The following CHRM3 variants were observed in gnomAD, a reference collection of about 807,000 sequenced individuals.
CHRM3 encodes muscarinic acetylcholine receptor M3.
Under a neutral mutation model 41.8 loss-of-function variants are expected in CHRM3, and 11 were observed. The observed-to-expected ratio is 0.26, with a 90% CI of 0.17 to 0.44. The LOEUF is 0.44. CHRM3 is among the 20% of genes least tolerant of loss of function. CHRM3 has a pLI of 1.00. For synonymous variants in CHRM3, 297 were observed against 301.4 expected, an observed-to-expected ratio of 0.99 and a Z score of 0.15; for missense variants, 571 against 745.4, an observed-to-expected ratio of 0.77 and a Z score of 2.72.
intron 3 of CHRM3, among the ~76,000 whole-genome samples, chr1:239,578,585 C>T (rs1662583949): frequency 6.6e-6 from 1 of 152,172 alleles, no homozygotes; most frequent in South Asian, 2.1e-4. Context: ...TGTATAACCT[C>T]TTATGTGACT....
intron 5 of CHRM3, among the ~76,000 whole-genome samples, chr1:239,721,508 A>G (rs1662967270): frequency 6.6e-6 from 1 of 151,968 alleles, no homozygotes; most frequent in African/African-American, 2.4e-5. Flanking sequence ...GCATGATACA[A>G]ATGCATTTCA....
intron 1 of CHRM3, among the ~76,000 whole-genome samples, chr1:239,396,613 C>G (rs190279129): frequency 6.6e-6 from 1 of 151,980 alleles, no homozygotes; most frequent in East Asian, 1.9e-4. Flanking sequence ...GATCCAGTCT[C>G]GAAAAGAGTA....
chr1:239,516,734 C>T (rs541147333), intron 2 of CHRM3, among the ~76,000 whole-genome samples: 15 of 152,284 alleles, frequency 9.9e-5, no homozygotes, highest in Non-Finnish European at 1.9e-4. Flanking sequence ...GGCCGCACAG[C>T]GGGAGGTGAG....
At chr1:239,830,859 C>G (rs573112244) in intron 6 of CHRM3, among the ~76,000 whole-genome samples, 33 of 152,268 alleles carry the variant, frequency 2.2e-4, no homozygotes, top group Middle Eastern at 6.8e-3. Flanking sequence ...TCTCACCCCC[C>G]TGAAACAACC....
At chr1:239,398,594 T>C (rs559481677) in intron 1 of CHRM3, among the ~76,000 whole-genome samples, 27 of 152,316 alleles carry the variant, frequency 1.8e-4, no homozygotes, top group African/African-American at 6.0e-4. Context: ...TGTCCATTGG[T>C]ATAGTTAATA....
In CHRM3 at chr1:239,391,382, C is replaced by T. The variant is rs185756806; in HGVS notation, c.-521+4155C>T. 1.3e-4 allele frequency among the ~76,000 whole-genome samples: 20 copies of T among 152,340 alleles called. No homozygotes were observed. In the East Asian group the frequency reaches 3.9e-3, roughly 29 times the overall value. On this transcript the variant is annotated intron_variant, in intron 1 of 6. Transcript: ENST00000676153. ...ATTGGAACCCAGAGCCCCCTCAGTACACCATGATGGACAGCACTGAGCGCC... is the reference window on the plus strand; with the variant it reads ...ATTGGAACCCAGAGCCCCCTCAGTATACCATGATGGACAGCACTGAGCGCC...
rs66496252 is a variant in CHRM3, at chr1:239,760,090, ATTT to A, written c.-146-67149_-146-67147del. Among the ~76,000 whole-genome samples, 776 of 143,034 alleles carry A rather than the reference ATTT, an allele frequency of 5.4e-3. 5 individuals are homozygous for A. The highest frequency in any genetic ancestry group is 0.032 in the Middle Eastern group (9 of 280). The allele number at this position is 143,034 out of a possible 152,430, so 93.8% of individuals were successfully genotyped here. On this transcript the variant is annotated intron_variant, in intron 5 of 6. Transcript: ENST00000676153. ...CCACCACACCCGGCTAATTTTTTGT[ATTT>A]TTTTTTTTTTTTCAGTAGAAACGGG... is the stretch of plus-strand genomic sequence containing the variant.
At chr1:239,527,104 G>A (rs938704143) in intron 2 of CHRM3, among the ~76,000 whole-genome samples, 1 of 152,102 alleles carries the variant, frequency 6.6e-6, no homozygotes, top group Admixed American at 6.6e-5. Flanking sequence ...CAGCCTGTGC[G>A]ACAGCCCTGT....
chr1:239,565,150 A>T (rs780210450), intron 3 of CHRM3, among the ~76,000 whole-genome samples: 35 of 152,184 alleles, frequency 2.3e-4, no homozygotes, highest in Admixed American at 5.9e-4. Context: ...GACCACTTGG[A>T]TAATTCGGGA....
At chr1:239,404,809 A>G (rs1385980803) in intron 1 of CHRM3, among the ~76,000 whole-genome samples, 1 of 148,382 alleles carries the variant, frequency 6.7e-6, no homozygotes, top group East Asian at 2.0e-4. Context: ...AGAAAGTGTT[A>G]TCTCAAATAT....
chr1:239,850,815 C>T (rs761847296), intron 6 of CHRM3, among the ~76,000 whole-genome samples: 3 of 152,106 alleles, frequency 2.0e-5, no homozygotes, highest in Admixed American at 6.5e-5. Context: ...TTTTCTTCTT[C>T]CGCCATGACT....
At chr1:239,559,584 A>T (rs1045947130) in intron 3 of CHRM3, among the ~76,000 whole-genome samples, 5 of 152,334 alleles carry the variant, frequency 3.3e-5, no homozygotes, top group African/African-American at 1.2e-4. Flanking sequence ...AGTTAGGACG[A>T]ATTTCAAGAG....
At chr1:239,404,410 A>AAAAGAAAGAAAGAAAG (rs1170633500) in intron 1 of CHRM3, among the ~76,000 whole-genome samples, 7 of 51,768 alleles carry the variant, frequency 1.4e-4, no homozygotes, top group African/African-American at 3.9e-4. Context: ...GAAAGAAAGA[A>AAAAGAAAGAAAGAAAG]AAAGAAAGAA....
chr1:239,833,184 C>T (rs746212919), intron 6 of CHRM3, among the ~76,000 whole-genome samples: 1 of 152,188 alleles, frequency 6.6e-6, no homozygotes, highest in African/African-American at 2.4e-5. Flanking sequence ...ATGGGCCAGG[C>T]GTGGACCAGA....
intron 5 of CHRM3, among the ~76,000 whole-genome samples, chr1:239,779,255 C>T (rs1046006353): frequency 3.0e-4 from 46 of 152,134 alleles, no homozygotes; most frequent in African/African-American, 1.1e-3. Context: ...CACAGCCTCC[C>T]CTGTTTTCAG....
chr1:239,874,891 G>T (rs535094338), intron 6 of CHRM3, among the ~76,000 whole-genome samples: 28 of 151,838 alleles, frequency 1.8e-4, no homozygotes, highest in Non-Finnish European at 3.7e-4. Context: ...TAGAGACGGG[G>T]TTTCTCCATT....
chr1:239,459,057 C>G (rs1403659781), intron 1 of CHRM3, among the ~76,000 whole-genome samples: 3 of 152,144 alleles, frequency 2.0e-5, no homozygotes, highest in Non-Finnish European at 4.4e-5. Context: ...ATTAACTGCT[C>G]TTCTCCCACA....
chr1:239,866,408 A>C (rs1039963370), intron 6 of CHRM3, among the ~76,000 whole-genome samples: 7 of 151,756 alleles, frequency 4.6e-5, no homozygotes, highest in African/African-American at 1.2e-4. Flanking sequence ...TCAAAAACAA[A>C]AAAAAAAAAG....
chr1:239,879,010 AG>A (rs1677366110), intron 6 of CHRM3, among the ~76,000 whole-genome samples: 2 of 152,176 alleles, frequency 1.3e-5, no homozygotes, highest in Middle Eastern at 3.2e-3. Context: ...CCTTTACGTC[AG>A]GGGTTTTCAA....
Sources: gnomAD v4.1 joint callset for allele counts (sites outside exome capture counted in the v4.1 genomes callset) on GRCh38, gnomAD v4.1.1 for gene constraint, MANE v1.5 for transcripts, NCBI Gene and HGNC (gene_info 2026-07-23, HGNC 2026-07-21) for gene names.